The following SMOC1 variants were observed in gnomAD, a reference collection of about 807,000 sequenced individuals.
The protein encoded by SMOC1 is SPARC related modular calcium binding 1.
SMOC1 carries 22 observed loss-of-function variants against 56.3 expected under a neutral mutation model. The ratio of observed to expected loss-of-function variants is 0.39; its 90% CI spans 0.28 to 0.56. The LOEUF (loss-of-function observed/expected upper bound fraction) is 0.56, where lower values mean the gene tolerates loss of function less well. Ranked by LOEUF, SMOC1 falls within the 20% of genes least tolerant of loss-of-function variation. The pLI is 0.61. For synonymous variants in SMOC1, 193 were observed against 215.0 expected (o/e 0.90, Z 0.89); for missense variants, 509 against 565.4 (o/e 0.90, Z 1.01).
chr14:69,971,522 G>A (rs530546030), intron 3 of SMOC1, among the ~76,000 whole-genome samples: 1 of 152,294 alleles, frequency 6.6e-6, no homozygotes, highest in African/African-American at 2.4e-5. Context: ...CATGAGTTTT[G>A]AGAACTGCAC....
chr14:69,926,918 CT>C (rs762486319), intron 1 of SMOC1, among the ~76,000 whole-genome samples: 2 of 152,216 alleles, frequency 1.3e-5, no homozygotes, highest in Non-Finnish European at 2.9e-5. Context: ...TTATAGGTTG[CT>C]GTGAAAACCT....
chr14:69,921,383 T>C (rs1594802663), intron 1 of SMOC1, among the ~76,000 whole-genome samples: 1 of 152,216 alleles, frequency 6.6e-6, no homozygotes, highest in East Asian at 1.9e-4. Context: ...GCTCACAGAC[T>C]GCACTGGTTT....
At chr14:69,999,087 C>A (rs1180653462) in intron 7 of SMOC1, among the ~76,000 whole-genome samples, 1 of 152,178 alleles carries the variant, frequency 6.6e-6, no homozygotes, top group Non-Finnish European at 1.5e-5. Flanking sequence ...TAAGTTTTAC[C>A]ATGAAAGTGA....
At chr14:69,927,030 G>C (rs1306492453) in intron 1 of SMOC1, among the ~76,000 whole-genome samples, 1 of 152,170 alleles carries the variant, frequency 6.6e-6, no homozygotes, top group African/African-American at 2.4e-5. Flanking sequence ...GTCTTCACTC[G>C]CACTTCACTT....
chr14:69,991,925 A>G (rs955753323), intron 5 of SMOC1, among the ~76,000 whole-genome samples: 1 of 152,210 alleles, frequency 6.6e-6, no homozygotes, highest in African/African-American at 2.4e-5. Flanking sequence ...AATGGCACAC[A>G]GGTCTCTTGT....
chr14:70,014,959 G>A (rs1030863970), intron 10 of SMOC1, among the ~76,000 whole-genome samples: 7 of 152,188 alleles, frequency 4.6e-5, no homozygotes, highest in Admixed American at 2.6e-4. Flanking sequence ...AGCTGTCGAC[G>A]TTTCTGCATC....
intron 3 of SMOC1, among the ~76,000 whole-genome samples, chr14:69,972,459 GTA>G (rs1247163574): frequency 6.6e-6 from 1 of 152,134 alleles, no homozygotes; most frequent in African/African-American, 2.4e-5. Flanking sequence ...TGCCATTATT[GTA>G]TACCCCCGCC....
At chr14:69,995,481 G>T (rs1340802698) in intron 7 of SMOC1, among the ~76,000 whole-genome samples, 1 of 152,244 alleles carries the variant, frequency 6.6e-6, no homozygotes, top group Non-Finnish European at 1.5e-5. Context: ...GGATGGTGGA[G>T]TGAAAGGAGA....
In SMOC1 at chr14:69,879,667, C is replaced by T. The variant is rs945944891; in HGVS notation, c.-12C>T. ...CCCCGCTCGCTGCCGGCTGCCCAGC[C>T]TGGCTGGCACCATGCTGCCCGCGCG... On this transcript the variant is annotated 5_prime_UTR_variant, in exon 1 of 12. Coordinates refer to ENST00000361956, the MANE Select transcript of SMOC1 (RefSeq NM_001034852.3). The T allele has an allele frequency of 6.6e-7, 1 of 1,507,566 alleles. No individual in the cohort carries two copies. Among genetic ancestry groups the T allele is most frequent in the African/African-American group, 1.4e-5 (1 of 69,666 alleles). 93.4% of individuals were successfully genotyped at this position (1,507,566 alleles called of 1,614,324 possible).
intron 1 of SMOC1, among the ~76,000 whole-genome samples, chr14:69,899,506 A>C (rs530010719): frequency 6.6e-6 from 1 of 152,098 alleles, no homozygotes; most frequent in East Asian, 1.9e-4. Context: ...TATGATTGTA[A>C]GTTTTCTGAG....
intron 1 of SMOC1, among the ~76,000 whole-genome samples, chr14:69,933,065 G>A (rs1427795064): frequency 6.6e-6 from 1 of 152,098 alleles, no homozygotes; most frequent in Non-Finnish European, 1.5e-5. Flanking sequence ...GGGGTGCAGA[G>A]CAAAAGTTTA....
chr14:69,900,483 C>A (rs1884215106), intron 1 of SMOC1, among the ~76,000 whole-genome samples: 1 of 152,208 alleles, frequency 6.6e-6, no homozygotes, highest in Non-Finnish European at 1.5e-5. Flanking sequence ...GCACTTATAA[C>A]ACTTATCTGG....
At chr14:69,942,003 C>T (rs1333284367) in intron 1 of SMOC1, among the ~76,000 whole-genome samples, 2 of 152,186 alleles carry the variant, frequency 1.3e-5, no homozygotes, top group African/African-American at 4.8e-5. Flanking sequence ...TGAGTCTTTG[C>T]CAAATGGATG....
intron 3 of SMOC1, among the ~76,000 whole-genome samples, chr14:69,967,957 C>T (rs910506251): frequency 6.6e-6 from 1 of 152,230 alleles, no homozygotes. Context: ...ACCATCCCTT[C>T]CTTCTCTCCC....
chr14:69,956,241 C>G (rs1883179832), intron 3 of SMOC1, among the ~76,000 whole-genome samples: 1 of 152,206 alleles, frequency 6.6e-6, no homozygotes, highest in African/African-American at 2.4e-5. Context: ...CTAGCTCACT[C>G]TGGTGGGCAG....
chr14:69,879,433 C>T lies in SMOC1; in HGVS notation c.-246C>T, dbSNP rs942076354. The T allele has an allele frequency of 2.6e-6, 1 of 378,976 alleles. No individual in the cohort carries two copies. The highest frequency in any genetic ancestry group is 4.7e-5 in the Admixed American group (1 of 21,164). 23.5% of individuals were successfully genotyped at this position (378,976 alleles called of 1,614,324 possible). ...CCGGGCTCAGGCGTCCAACCTGCTG[C>T]CGCCTGGGCCCCGCCGAGCGGAGCT... is the stretch of plus-strand genomic sequence containing the variant. On this transcript the variant is annotated 5_prime_UTR_variant, in exon 1 of 12. Transcript: ENST00000361956.
intron 1 of SMOC1, among the ~76,000 whole-genome samples, chr14:69,923,778 C>G (rs972593208): frequency 1.3e-5 from 2 of 152,150 alleles, no homozygotes; most frequent in African/African-American, 4.8e-5. Context: ...CTATCCTGCC[C>G]TTTCTCCTGA....
chr14:70,020,653 C>A (rs1885681484), intron 10 of SMOC1, among the ~76,000 whole-genome samples: 1 of 152,132 alleles, frequency 6.6e-6, no homozygotes, highest in South Asian at 2.1e-4. Context: ...GGGAGCCAGG[C>A]AGGGTGGGGG....
intron 10 of SMOC1, among the ~76,000 whole-genome samples, chr14:70,017,772 A>G (rs532212462): frequency 1.1e-3 from 165 of 152,308 alleles, no homozygotes; most frequent in Middle Eastern, 6.8e-3. Context: ...GAAGGGAGAT[A>G]CAGAACAACC....
Sources: gnomAD v4.1 joint callset for allele counts (sites outside exome capture counted in the v4.1 genomes callset) on GRCh38, gnomAD v4.1.1 for gene constraint, MANE v1.5 for transcripts, NCBI Gene and HGNC (gene_info 2026-07-23, HGNC 2026-07-21) for gene names.